NOL10: variants seen among roughly 807,000 people sequenced by gnomAD.
NOL10 encodes nucleolar protein 10, also known as H_NH0074G24.1.
NOL10 carries 58 observed loss-of-function variants against 103.5 expected under a neutral mutation model. The observed-to-expected ratio is 0.56, with a 90% CI of 0.45 to 0.70. The LOEUF (loss-of-function observed/expected upper bound fraction) is 0.70, where lower values mean the gene tolerates loss of function less well. Ranked by LOEUF, NOL10 falls within the 30% of genes least tolerant of loss-of-function variation. The pLI, the probability that NOL10 is intolerant of heterozygous loss-of-function variation, is 0.00. For synonymous variants in NOL10, 287 were observed against 282.5 expected (o/e 1.02, Z -0.16); for missense variants, 763 against 807.3 (o/e 0.95, Z 0.67).
intron 1 of NOL10, among the ~76,000 whole-genome samples, chr2:10,688,553 T>C (rs950762907): frequency 2.6e-5 from 4 of 152,262 alleles, no homozygotes; most frequent in Admixed American, 2.6e-4. Flanking sequence ...TCACCTCTTG[T>C]AGAGAGGCCT....
chr2:10,623,893 C>T (rs1572315435), intron 13 of NOL10, among the ~76,000 whole-genome samples: 1 of 152,216 alleles, frequency 6.6e-6, no homozygotes, highest in Admixed American at 6.5e-5. Context: ...ACATTGACAA[C>T]ACCAAATGCT....
intron 6 of NOL10, among the ~76,000 whole-genome samples, chr2:10,670,197 C>T (rs960950284): frequency 3.5e-4 from 54 of 152,282 alleles, no homozygotes; most frequent in African/African-American, 1.3e-3. Context: ...AAAGATATCA[C>T]TCCTAAATGA....
chr2:10,614,385 C>T (rs1434241443), intron 13 of NOL10, among the ~76,000 whole-genome samples: 1 of 152,144 alleles, frequency 6.6e-6, no homozygotes, highest in Non-Finnish European at 1.5e-5. Context: ...GACCATAGCT[C>T]ACTGCAGTGA....
At chr2:10,687,262 C>G (rs1001172558) in intron 1 of NOL10, among the ~76,000 whole-genome samples, 1 of 152,174 alleles carries the variant, frequency 6.6e-6, no homozygotes, top group African/African-American at 2.4e-5. Context: ...AGCTCCTTGC[C>G]AAGGTCAAGG....
chr2:10,624,735 T>C (rs1045571302), intron 13 of NOL10, among the ~76,000 whole-genome samples: 4 of 151,912 alleles, frequency 2.6e-5, no homozygotes, highest in African/African-American at 9.6e-5. Context: ...AAACTAAACG[T>C]ATTGTGACCA....
chr2:10,667,281 A>G lies in NOL10; in HGVS notation c.531-3T>C, dbSNP rs371217770. On this transcript the variant is annotated splice_region_variant and splice_polypyrimidine_tract_variant and intron_variant, in intron 7 of 20. Transcript: ENST00000381685. ...TTATGTCACAAACATTATTCTCCCTAACACAGGAAAGCAGTAAGAAAGAAT... is the reference window on the plus strand; with the variant it reads ...TTATGTCACAAACATTATTCTCCCTGACACAGGAAAGCAGTAAGAAAGAAT... 5.7e-6 allele frequency: 9 copies of G among 1,576,016 alleles called. No homozygotes were observed. Among genetic ancestry groups the G allele is most frequent in the Non-Finnish European group, 6.9e-6 (8 of 1,158,568 alleles).
chr2:10,618,783 C>T (rs968365701), intron 13 of NOL10, among the ~76,000 whole-genome samples: 3 of 152,124 alleles, frequency 2.0e-5, no homozygotes, highest in Non-Finnish European at 2.9e-5. Flanking sequence ...ATGGGGCACA[C>T]CTCAGTTCTT....
At chr2:10,686,755 C>T (rs776082358) in intron 1 of NOL10, among the ~76,000 whole-genome samples, 3 of 151,866 alleles carry the variant, frequency 2.0e-5, no homozygotes, top group Non-Finnish European at 4.4e-5. Flanking sequence ...GAAACAACAA[C>T]AAAAAGCCTC....
chr2:10,600,870 A>T lies in NOL10; in HGVS notation c.1405T>A (p.Trp469Arg). ...EEEEEKQKST[W>R]KKKVKSLPNI... Reference sequence around the variant, plus strand: ...CACCTTACCTTAACTTTCTTTTTCCATGTAGATTTCTGCTTCTCCTCTTCT... The same window carrying T: ...CACCTTACCTTAACTTTCTTTTTCCTTGTAGATTTCTGCTTCTCCTCTTCT... Residue 469 changes from tryptophan (W) to arginine (R), a missense_variant, in exon 17 of 21, where the codon TGG becomes AGG. Coordinates refer to ENST00000381685, the MANE Select transcript of NOL10 (RefSeq NM_024894.4). The T allele has an allele frequency of 6.4e-7, 1 of 1,553,448 alleles. No homozygotes were observed. Among genetic ancestry groups the T allele is most frequent in the Non-Finnish European group, 8.7e-7 (1 of 1,147,278 alleles).
intron 13 of NOL10, among the ~76,000 whole-genome samples, chr2:10,628,776 G>C (rs759992280): frequency 4.0e-4 from 61 of 152,102 alleles, no homozygotes; most frequent in Non-Finnish European, 3.8e-4. Flanking sequence ...CGCAGTATTA[G>C]GAAACAACAC....
At chr2:10,675,929 C>A in intron 3 of NOL10, 58 bp from the exon 4 acceptor site, 2 of 853,994 alleles carry the variant, frequency 2.3e-6, no homozygotes, top group Non-Finnish European at 3.7e-6. Flanking sequence ...TCAAAACATC[C>A]AGATACATTG....
intron 19 of NOL10, among the ~76,000 whole-genome samples, chr2:10,581,217 C>T (rs183766196): frequency 2.6e-5 from 4 of 152,254 alleles, no homozygotes; most frequent in Admixed American, 2.6e-4. Context: ...GGGAAACAGG[C>T]GCTCTGGCCA....
intron 12 of NOL10, among the ~76,000 whole-genome samples, chr2:10,650,621 T>A (rs932969644): frequency 1.3e-5 from 2 of 151,962 alleles, no homozygotes; most frequent in African/African-American, 4.8e-5. Flanking sequence ...AGAGCCGGCG[T>A]GATGGTGCGT....
chr2:10,603,797 G>A (rs1161036356), intron 14 of NOL10, among the ~76,000 whole-genome samples: 1 of 152,138 alleles, frequency 6.6e-6, no homozygotes, highest in Non-Finnish European at 1.5e-5. Context: ...AGAATTTGTG[G>A]TGCTGGTGGT....
At chr2:10,644,046 T>C (rs1678892692) in intron 13 of NOL10, among the ~76,000 whole-genome samples, 1 of 152,110 alleles carries the variant, frequency 6.6e-6, no homozygotes, top group Non-Finnish European at 1.5e-5. Context: ...GGTCATGAGT[T>C]CAAGACCACC....
At chr2:10,656,767 T>C (rs1679867218) in intron 11 of NOL10, among the ~76,000 whole-genome samples, 1 of 152,222 alleles carries the variant, frequency 6.6e-6, no homozygotes, top group Non-Finnish European at 1.5e-5. Flanking sequence ...TGGGAATTTT[T>C]TAAAAGTGAT....
intron 13 of NOL10, among the ~76,000 whole-genome samples, chr2:10,627,675 AAAAAAAAC>A (rs1374817454): frequency 2.0e-5 from 3 of 148,212 alleles, no homozygotes; most frequent in Non-Finnish European, 3.0e-5. Context: ...ACTCCGTCTC[AAAAAAAAC>A]AAACAAACAA....
intron 19 of NOL10, among the ~76,000 whole-genome samples, chr2:10,587,683 G>A (rs1675187483): frequency 6.6e-6 from 1 of 152,068 alleles, no homozygotes; most frequent in African/African-American, 2.4e-5. Context: ...TAGTTCATCA[G>A]AACCAGAATT....
chr2:10,637,632 T>C (rs7594805), intron 13 of NOL10, among the ~76,000 whole-genome samples: 13,960 of 152,256 alleles, frequency 0.092, 1,026 homozygotes, highest in East Asian at 0.39. Context: ...TTCCAAAAAA[T>C]GTGGCTTCCA....
Sources: allele counts gnomAD v4.1 joint callset (sites outside exome capture counted in the v4.1 genomes callset), GRCh38; gene constraint gnomAD v4.1.1; transcripts MANE v1.5; gene names NCBI Gene and HGNC (gene_info 2026-07-23, HGNC 2026-07-21).